The following MCF2L variants were observed in gnomAD, a reference collection of about 807,000 sequenced individuals.
MCF2L encodes guanine nucleotide exchange factor DBS.
Under a neutral mutation model 153.4 loss-of-function variants are expected in MCF2L, and 97 were observed. The ratio of observed to expected loss-of-function variants is 0.63; its 90% confidence interval spans 0.54 to 0.75. MCF2L has a LOEUF of 0.75. Among genes scored for constraint, MCF2L ranks in the 30% least tolerant of loss-of-function variants. The probability of loss-of-function intolerance (pLI) is 0.00; values close to 1 mark genes in which losing one functional copy is unlikely to be tolerated. For missense variants in MCF2L, 1,347 were observed against 1,495.2 expected (o/e 0.90, Z 1.64); for synonymous variants, 659 against 632.2 (o/e 1.04, Z -0.64).
At chr13:113,063,220 C>T (rs143104860) in intron 5 of MCF2L, among the ~76,000 whole-genome samples, 1,694 of 152,334 alleles carry the variant, frequency 0.011, 12 homozygotes, top group Middle Eastern at 0.055. Flanking sequence ...GGGCGGCTGG[C>T]CTGCGGGCGA....
At chr13:112,899,058 G>A (rs1223472138) in intron 1 of MCF2L, among the ~76,000 whole-genome samples, 1 of 152,230 alleles carries the variant, frequency 6.6e-6, no homozygotes, top group African/African-American at 2.4e-5. Context: ...TGGGATCCGA[G>A]CTCCTCGGGG....
At chr13:113,042,642 A>G (rs1018299541) in intron 3 of MCF2L, 1 of 152,214 alleles carries the variant, frequency 6.6e-6, no homozygotes. Context: ...CGGCGTGAGA[A>G]GCCAGATGTG....
At chr13:112,942,065 C>G (rs576564912) in intron 2 of MCF2L, among the ~76,000 whole-genome samples, 1 of 152,186 alleles carries the variant, frequency 6.6e-6, no homozygotes, top group East Asian at 1.9e-4. Flanking sequence ...AAGGGAGTCT[C>G]CTTTTCCCTG....
At chr13:112,950,481 AG>A (rs1424242578) in intron 2 of MCF2L, among the ~76,000 whole-genome samples, 2 of 152,224 alleles carry the variant, frequency 1.3e-5, no homozygotes, top group African/African-American at 2.4e-5. Flanking sequence ...ACCCAATACT[AG>A]GGCTTATTAT....
At chr13:112,999,316 A>G (rs547604771) in intron 1 of MCF2L, among the ~76,000 whole-genome samples, 1 of 152,158 alleles carries the variant, frequency 6.6e-6, no homozygotes, top group Admixed American at 6.5e-5. Context: ...GGGCCAGGAG[A>G]GACGCACAGA....
chr13:113,083,279 A>C (rs1468251021), intron 17 of MCF2L, among the ~76,000 whole-genome samples: 1 of 152,120 alleles, frequency 6.6e-6, no homozygotes, highest in East Asian at 1.9e-4. Context: ...TGGCCATGGG[A>C]ATCGCCAGTG....
At chr13:112,997,414 A>C (rs1001566016) in intron 1 of MCF2L, among the ~76,000 whole-genome samples, 7 of 152,114 alleles carry the variant, frequency 4.6e-5, no homozygotes, top group Non-Finnish European at 7.4e-5. Context: ...CATCCACGTC[A>C]CCCATAGCTG....
At chr13:112,940,559 G>A (rs763834170) in intron 2 of MCF2L, among the ~76,000 whole-genome samples, 1 of 152,364 alleles carries the variant, frequency 6.6e-6, no homozygotes, top group Middle Eastern at 3.4e-3. Context: ...TCAGGGACAC[G>A]GCAAAATAGA....
At chr13:112,978,306 C>G (rs9549619) in intron 1 of MCF2L, among the ~76,000 whole-genome samples, 35,299 of 152,118 alleles carry the variant, frequency 0.23, 4,253 homozygotes, top group Middle Eastern at 0.28. Flanking sequence ...GCACAGACAG[C>G]AAGCGTCCAG....
chr13:112,969,016 A>G (rs1330390845), upstream of MCF2L, among the ~76,000 whole-genome samples: 1 of 149,366 alleles, frequency 6.7e-6, no homozygotes, highest in African/African-American at 2.5e-5. The surrounding 1 kb of genome is among the most constrained non-coding windows in gnomAD (Gnocchi z 4.8). Flanking sequence ...CTCCCAGGTG[A>G]CCTCGTTGGT....
intron 26 of MCF2L, among the ~76,000 whole-genome samples, chr13:113,091,525 G>T (rs1209862413): frequency 6.6e-6 from 1 of 152,190 alleles, no homozygotes; most frequent in African/African-American, 2.4e-5. Flanking sequence ...AGTGGCTGCT[G>T]TCGGCTATAG....
chr13:113,074,506 C>G lies in MCF2L; in HGVS notation c.1059C>G (p.Ser353Arg), dbSNP rs768328228. The change falls in exon 10 of 30, where the codon AGC (serine) becomes AGG (arginine). Residue 353 changes from serine (S) to arginine (R), a missense_variant. Around this residue, in one of 3 missense-constraint regions of MCF2L, gnomAD observed 820 missense variants for 921.2 expected, o/e 0.89. Coordinates refer to ENST00000535094, the MANE Select transcript of MCF2L (RefSeq NM_001112732.3). This position sits in a 1 kb window ranked among gnomAD's most constrained non-coding sequence, Gnocchi z 4.2. Reference protein sequence around the residue: ...KIATFTDIGNSLAHVEHLLRD... With the variant: ...KIATFTDIGNRLAHVEHLLRD... ...CAACCTTCACAGACATCGGCAACAG[C>G]CTGGCGCATGTGGAGCACCTGCTGA... The G allele has an allele frequency of 2.5e-5, 41 of 1,614,082 alleles. No individual in the cohort carries two copies. The highest frequency in any genetic ancestry group is 3.4e-5 in the Non-Finnish European group (40 of 1,180,016).
At chr13:113,005,083 C>T (rs2083598234) in intron 1 of MCF2L, among the ~76,000 whole-genome samples, 1 of 152,196 alleles carries the variant, frequency 6.6e-6, no homozygotes, top group African/African-American at 2.4e-5. Flanking sequence ...GAATCGACCC[C>T]AGTGGCCGTT....
chr13:112,960,554 G>T lies in MCF2L; in HGVS notation c.170-54209G>T, dbSNP rs80231072. 6.6e-6 allele frequency among the ~76,000 whole-genome samples: 1 copy of T among 152,150 alleles called. No individual in the cohort carries two copies. The highest frequency in any genetic ancestry group is 1.5e-5 in the Non-Finnish European group (1 of 68,020). ...CGGGATAGGCTGTCATTCTGGGGAA[G>T]GGGGGCTTTGGGGTTTCGGTGTCCA... On this transcript the variant is annotated intron_variant, in intron 2 of 29. Transcript: ENST00000375608. The surrounding 1 kb of genome is among the most constrained non-coding windows in gnomAD (Gnocchi z 4.2).
At position 113,074,146 on chromosome 13, in the gene MCF2L, C is replaced by T. The variant is rs1275080958; in HGVS notation, c.997-298C>T. On this transcript the variant is annotated intron_variant, in intron 9 of 29. Coordinates refer to ENST00000535094, the MANE Select transcript of MCF2L (RefSeq NM_001112732.3). This position sits in a 1 kb window ranked among gnomAD's most constrained non-coding sequence, Gnocchi z 4.2. ...TCCTTGCGTGATCTCATCTTCTCCT[C>T]ATGCTGTTTTCAGGCGTGTGGTTGA... Among the ~76,000 whole-genome samples the T allele has an allele frequency of 6.6e-6, 1 of 152,120 alleles. No individual in the cohort carries two copies. The highest frequency in any genetic ancestry group is 2.4e-5 in the African/African-American group (1 of 41,416).
In MCF2L at chr13:113,045,174, T is replaced by C. The variant is rs3814266; in HGVS notation, c.279-97T>C. 0.51 allele frequency: 557,803 copies of C among 1,083,478 alleles called. 145,500 individuals carry two copies. The highest frequency in any genetic ancestry group is 0.57 in the African/African-American group (37,067 of 64,884). The allele number at this position is 1,083,478 out of a possible 1,614,324, so 67.1% of individuals were successfully genotyped here. A position where few individuals can be genotyped will look rare whatever the true frequency, so the allele number is the denominator to read the frequency against. On this transcript the variant is annotated intron_variant, in intron 3 of 29. Coordinates refer to ENST00000535094, the MANE Select transcript of MCF2L (RefSeq NM_001112732.3). The surrounding 1 kb of genome is among the most constrained non-coding windows in gnomAD (Gnocchi z 4.2). ...TATTGCAGAAATGGCATCATGAATA[T>C]GGGGGATCGCTCTCCCAAGAGGTTT...
chr13:112,989,086 G>A (rs569810788), intron 1 of MCF2L, among the ~76,000 whole-genome samples: 1 of 109,372 alleles, frequency 9.1e-6, no homozygotes, highest in African/African-American at 3.5e-5. Context: ...TCCTCCCTGA[G>A]CAGGGGATGG....
At chr13:113,004,902 G>T (rs773617067) in intron 1 of MCF2L, among the ~76,000 whole-genome samples, 1 of 152,244 alleles carries the variant, frequency 6.6e-6, no homozygotes, top group Non-Finnish European at 1.5e-5. Flanking sequence ...TGGTGGGCAC[G>T]TAAGTTGGTG....
chr13:113,045,391 C>T lies in MCF2L; in HGVS notation c.369+30C>T. ...GTGCCACCCGGGGCTCTGCCCTGCG[C>T]CCGGCCCCTCCCTGGGCTGCATGAC... is the stretch of plus-strand genomic sequence containing the variant. On this transcript the variant is annotated intron_variant, in intron 4 of 29. Transcript: ENST00000535094. This position sits in a 1 kb window ranked among gnomAD's most constrained non-coding sequence, Gnocchi z 4.2. 6.4e-7 allele frequency: 1 copy of T among 1,564,736 alleles called. No individual in the cohort carries two copies. Among genetic ancestry groups the T allele is most frequent in the Non-Finnish European group, 8.8e-7 (1 of 1,135,790 alleles).
Sources: allele counts gnomAD v4.1 joint callset (sites outside exome capture counted in the v4.1 genomes callset), GRCh38; gene constraint gnomAD v4.1.1; regional missense constraint gnomAD v4.1.1; non-coding constraint Gnocchi (gnomAD v3.1); transcripts MANE v1.5; gene names NCBI Gene and HGNC (gene_info 2026-07-23, HGNC 2026-07-21).